The following CGA variants were observed in gnomAD, a reference collection of about 807,000 sequenced individuals.
The protein encoded by CGA is glycoprotein hormones alpha chain.
Under a neutral mutation model 12.0 loss-of-function variants are expected in CGA, and 4 were observed. The ratio of observed to expected loss-of-function variants is 0.33; its 90% CI spans 0.16 to 0.76. The LOEUF (loss-of-function observed/expected upper bound fraction) is 0.76. CGA is among the 30% of genes least tolerant of loss of function. The probability of loss-of-function intolerance (pLI) is 0.60; values close to 1 mark genes in which losing one functional copy is unlikely to be tolerated. For synonymous variants in CGA, 60 were observed against 56.6 expected, an observed-to-expected ratio of 1.06 and a Z score of -0.27; for missense variants, 102 against 143.5, an observed-to-expected ratio of 0.71 and a Z score of 1.48.
chr6:87,091,865 GT>G (rs1197880424), intron 1 of CGA, among the ~76,000 whole-genome samples: 1 of 152,154 alleles, frequency 6.6e-6, no homozygotes, highest in Non-Finnish European at 1.5e-5. Flanking sequence ...AGTCTAACCA[GT>G]TATGTACACG....
intron 1 of CGA, among the ~76,000 whole-genome samples, chr6:87,092,434 G>A (rs1177071753): frequency 6.6e-6 from 1 of 151,974 alleles, no homozygotes; most frequent in East Asian, 1.9e-4. Context: ...GATCACTGGA[G>A]CCTGAGTGAA....
chr6:87,094,641 T>C (rs1769503164), intron 1 of CGA, among the ~76,000 whole-genome samples: 1 of 152,206 alleles, frequency 6.6e-6, no homozygotes, highest in African/African-American at 2.4e-5. Flanking sequence ...ATACATCACT[T>C]AAAAATGGAT....
At chr6:87,090,937 T>A (rs1408734281) in intron 1 of CGA, among the ~76,000 whole-genome samples, 1 of 151,424 alleles carries the variant, frequency 6.6e-6, no homozygotes, top group Non-Finnish European at 1.5e-5. Flanking sequence ...TGAGCCACCA[T>A]GACCAGCCTG....
intron 1 of CGA, among the ~76,000 whole-genome samples, chr6:87,091,932 G>C (rs543363499): frequency 6.6e-6 from 1 of 152,262 alleles, no homozygotes; most frequent in East Asian, 1.9e-4. Context: ...TTAGAAATGG[G>C]ATCTCGAGAG....
chr6:87,089,219 G>C (rs974902399), intron 1 of CGA: 1 of 152,206 alleles, frequency 6.6e-6, no homozygotes, highest in Admixed American at 6.5e-5. Context: ...TGGTTTCAAA[G>C]AGTTAGCACT....
At chr6:87,090,174 T>C (rs1353397502) in intron 1 of CGA, among the ~76,000 whole-genome samples, 1 of 152,218 alleles carries the variant, frequency 6.6e-6, no homozygotes, top group African/African-American at 2.4e-5. Context: ...CACTCATAAT[T>C]AACACTGAAT....
intron 1 of CGA, chr6:87,089,053 A>T (rs1450863825): frequency 6.6e-6 from 1 of 152,244 alleles, no homozygotes; most frequent in Non-Finnish European, 1.5e-5. Flanking sequence ...ACCATGGAAT[A>T]CTGTCCAGCA....
chr6:87,093,669 A>G (rs745321610), intron 1 of CGA, among the ~76,000 whole-genome samples: 6 of 152,224 alleles, frequency 3.9e-5, no homozygotes, highest in Non-Finnish European at 8.8e-5. Flanking sequence ...CAAGACGTAC[A>G]TTACCTTCTA....
chr6:87,092,012 A>AAAAG (rs749262771), intron 1 of CGA, among the ~76,000 whole-genome samples: 13 of 152,170 alleles, frequency 8.5e-5, no homozygotes, highest in Non-Finnish European at 1.6e-4. Flanking sequence ...CTCCGTCTCA[A>AAAAG]AAAGAAAGAA....
In CGA at chr6:87,088,162, G is replaced by A; in HGVS notation, c.39C>T (p.Val13=). The A allele has an allele frequency of 6.3e-7, 1 of 1,588,474 alleles. No homozygotes were observed. The highest frequency in any genetic ancestry group is 8.6e-7 in the Non-Finnish European group (1 of 1,167,442). Residue 13 remains valine (V), a synonymous_variant, in exon 2 of 4, where the codon GTC becomes GTT. Coordinates refer to ENST00000627148, the MANE Select transcript of CGA (RefSeq NM_000735.4). ...YYRKYAAIFL[V]TLSVFLHVLH... ...GAACATGCAGAAACACCGACAATGT[G>A]ACCAGAAAGATAGCTGCATATTTTC...
At chr6:87,090,434 T>C (rs560555514) in intron 1 of CGA, among the ~76,000 whole-genome samples, 127 of 152,270 alleles carry the variant, frequency 8.3e-4, no homozygotes, top group African/African-American at 3.0e-3. Flanking sequence ...TGAAGAGTTT[T>C]GCAAAAGGGT....
rs116555312 is a variant in CGA, at chr6:87,094,512, A to G, written c.-8+501T>C. On this transcript the variant is annotated intron_variant, in intron 1 of 3. Coordinates refer to ENST00000627148, the MANE Select transcript of CGA (RefSeq NM_000735.4). The stretch of plus-strand genomic sequence containing the variant: ...AAAATGAAAACAACGACATTCAAGA[A>G]ATTCCATGCTACTATTCAAGTCTGC... Among the ~76,000 whole-genome samples the G allele has an allele frequency of 7.1e-3, 1,087 of 152,344 alleles. 9 individuals are homozygous for G. Among genetic ancestry groups the G allele is most frequent in the African/African-American group, 0.024 (1,016 of 41,568 alleles).
chr6:87,092,084 A>ATTT (rs36041112), intron 1 of CGA, among the ~76,000 whole-genome samples: 68,627 of 149,500 alleles, frequency 0.46, 15,907 homozygotes, highest in East Asian at 0.57. Flanking sequence ...CTTTAAAAGG[A>ATTT]TTTTTTTTTT....
intron 3 of CGA, 27 bp downstream of exon 3, chr6:87,086,223 A>T (rs1474032162): frequency 1.3e-6 from 2 of 1,582,946 alleles, no homozygotes; most frequent in Non-Finnish European, 1.7e-6. Context: ...GCTGTTAGAA[A>T]GCTTCTGGGG....
At chr6:87,093,251 A>G (rs1245529555) in intron 1 of CGA, among the ~76,000 whole-genome samples, 3 of 152,244 alleles carry the variant, frequency 2.0e-5, no homozygotes, top group African/African-American at 7.2e-5. Flanking sequence ...GAAGTATACC[A>G]TTAATCCATG....
Position 87,085,572 on chromosome 6 carries a change from T to C in CGA, c.*184A>G. ...TGTATTCATTCCAAATGAAAAGAACTAGACTGCTGATTGTACTGTAGGATA... is the reference window on the plus strand; with the variant it reads ...TGTATTCATTCCAAATGAAAAGAACCAGACTGCTGATTGTACTGTAGGATA... On this transcript the variant is annotated 3_prime_UTR_variant, in exon 4 of 4. Coordinates refer to ENST00000627148, the MANE Select transcript of CGA (RefSeq NM_000735.4). The C allele has an allele frequency of 1.7e-6, 1 of 575,532 alleles. No homozygotes were observed. The highest frequency in any genetic ancestry group is 2.1e-5 in the South Asian group (1 of 47,834). 35.7% of individuals were successfully genotyped at this position (575,532 alleles called of 1,614,324 possible). A position where few individuals can be genotyped will look rare whatever the true frequency, so the allele number is the denominator to read the frequency against.
intron 1 of CGA, among the ~76,000 whole-genome samples, chr6:87,091,057 C>T (rs553955877): frequency 8.3e-4 from 126 of 152,198 alleles, no homozygotes; most frequent in African/African-American, 2.9e-3. Context: ...CCTTTTTAAA[C>T]TAGTATCATG....
chr6:87,092,778 C>T (rs1680682971), intron 1 of CGA, among the ~76,000 whole-genome samples: 1 of 125,652 alleles, frequency 8.0e-6, no homozygotes, highest in South Asian at 2.7e-4. Context: ...GACATGGTCT[C>T]ACTCTGTGGA....
At chr6:87,092,674 A>G (rs1481138873) in intron 1 of CGA, among the ~76,000 whole-genome samples, 2 of 152,032 alleles carry the variant, frequency 1.3e-5, no homozygotes, top group Admixed American at 6.6e-5. Flanking sequence ...TAAACTGATC[A>G]AGCTATAAGG....
Sources: allele counts gnomAD v4.1 joint callset (sites outside exome capture counted in the v4.1 genomes callset), GRCh38; gene constraint gnomAD v4.1.1; transcripts MANE v1.5; gene names NCBI Gene and HGNC (gene_info 2026-07-23, HGNC 2026-07-21).